Variants in CCDC141 observed in about 807,000 individuals in gnomAD.
CCDC141 encodes coiled-coil domain containing 141, also known as coiled-coil domain-containing protein 141.
Under a neutral mutation model 181.0 loss-of-function variants are expected in CCDC141, and 168 were observed. The ratio of observed to expected loss-of-function variants is 0.93; its 90% CI spans 0.82 to 1.05. The LOEUF (loss-of-function observed/expected upper bound fraction) is 1.05. Ranked by LOEUF, CCDC141 falls within the 50% of genes least tolerant of loss-of-function variation. The pLI is 0.00. For synonymous variants in CCDC141, 666 were observed against 642.3 expected (o/e 1.04, Z -0.56); for missense variants, 1,902 against 1,788.5 (o/e 1.06, Z -1.14).
intron 8 of CCDC141, among the ~76,000 whole-genome samples, chr2:178,899,333 T>C (rs538459992): frequency 5.3e-5 from 8 of 152,270 alleles, no homozygotes; most frequent in African/African-American, 1.9e-4. Flanking sequence ...CTAAGACTCA[T>C]TTCTCAGAAT....
At chr2:178,866,662 A>G (rs1468189184) in intron 16 of CCDC141, among the ~76,000 whole-genome samples, 1 of 152,156 alleles carries the variant, frequency 6.6e-6, no homozygotes, top group Non-Finnish European at 1.5e-5. Context: ...CCCTCAAGTT[A>G]GAAATCTGGA....
At chr2:179,030,182 G>A (rs2042963910) in intron 2 of CCDC141, among the ~76,000 whole-genome samples, 1 of 151,996 alleles carries the variant, frequency 6.6e-6, no homozygotes, top group Admixed American at 6.6e-5. Flanking sequence ...TTAGTCATAT[G>A]TGAAATATTT....
At chr2:179,005,394 A>G (rs1307612482) in intron 2 of CCDC141, among the ~76,000 whole-genome samples, 1 of 152,202 alleles carries the variant, frequency 6.6e-6, no homozygotes, top group Non-Finnish European at 1.5e-5. Context: ...GTTATAATGT[A>G]TATATTACAG....
chr2:178,822,604 G>A, the CCDC141 span, among the ~76,000 whole-genome samples: 1 of 151,986 alleles, frequency 6.6e-6, no homozygotes, highest in African/African-American at 2.4e-5. Context: ...ATTTTAATGA[G>A]CAATATTTAG....
intron 23 of CCDC141, chr2:178,836,622 A>T: frequency 3.2e-6 from 1 of 310,170 alleles, no homozygotes; most frequent in East Asian, 6.1e-5. Context: ...AATGTTAAAC[A>T]CAGAAGAAAA....
intron 2 of CCDC141, among the ~76,000 whole-genome samples, chr2:179,030,369 CT>C (rs916196932): frequency 6.6e-6 from 1 of 151,936 alleles, no homozygotes; most frequent in Non-Finnish European, 1.5e-5. Context: ...TAACAAAATC[CT>C]TTTAGCTATT....
chr2:178,861,384 C>T (rs1242529342), intron 17 of CCDC141, among the ~76,000 whole-genome samples: 5 of 151,912 alleles, frequency 3.3e-5, no homozygotes, highest in Non-Finnish European at 7.4e-5. Flanking sequence ...GCCTGTAATC[C>T]CAGCACTTAG....
chr2:178,916,550 C>T (rs1688456280), intron 7 of CCDC141, among the ~76,000 whole-genome samples: 1 of 151,836 alleles, frequency 6.6e-6, no homozygotes, highest in Admixed American at 6.6e-5. Flanking sequence ...TACTTAATAA[C>T]ATAGTAAAAA....
chr2:178,815,540 T>C, the CCDC141 span, among the ~76,000 whole-genome samples: 8 of 151,976 alleles, frequency 5.3e-5, no homozygotes, highest in African/African-American at 1.9e-4. Context: ...TGATAGATTG[T>C]GATTTGGGGA....
At position 178,833,471 on chromosome 2, in the gene CCDC141, C is replaced by T. The variant is rs1163449332; in HGVS notation, c.*702G>A. 1.3e-5 allele frequency: 2 copies of T among 152,198 alleles called. No individual in the cohort carries two copies. The highest frequency in any genetic ancestry group is 4.8e-5 in the African/African-American group (2 of 41,446). The allele number at this position is 152,198 out of a possible 1,614,324, so 9.4% of individuals were successfully genotyped here. A position where few individuals can be genotyped will look rare whatever the true frequency, so the allele number is the denominator to read the frequency against. On this transcript the variant is annotated 3_prime_UTR_variant, in exon 24 of 24. Coordinates refer to ENST00000443758, the MANE Select transcript of CCDC141 (RefSeq NM_173648.4). ...TGCTCAAAACACATCAATAGAATGT[C>T]AGGAATAACGTTGGTTCTTTCTTGC...
chr2:178,820,532 T>C, the CCDC141 span, among the ~76,000 whole-genome samples: 6 of 152,228 alleles, frequency 3.9e-5, no homozygotes, highest in South Asian at 6.2e-4. Flanking sequence ...AATATTTTTA[T>C]TGAGGCTCAA....
intron 8 of CCDC141, among the ~76,000 whole-genome samples, chr2:178,890,429 C>T (rs1038107279): frequency 5.3e-5 from 8 of 152,260 alleles, no homozygotes; most frequent in Admixed American, 4.6e-4. Context: ...TGAAAGTTTC[C>T]CTAGGGGAAA....
intron 2 of CCDC141, among the ~76,000 whole-genome samples, chr2:178,998,020 T>C (rs181680337): frequency 1.8e-4 from 28 of 152,332 alleles, no homozygotes; most frequent in African/African-American, 5.8e-4. Flanking sequence ...GACAACTTCA[T>C]ATCTGAAAAT....
chr2:178,883,699 A>AC (rs1159063444), intron 11 of CCDC141, among the ~76,000 whole-genome samples: 1 of 152,030 alleles, frequency 6.6e-6, no homozygotes, highest in Non-Finnish European at 1.5e-5. Context: ...CTAAACCAGC[A>AC]CCCATCTGCC....
chr2:178,961,361 A>C lies in CCDC141; in HGVS notation c.649T>G (p.Cys217Gly). The C allele has an allele frequency of 1.3e-6, 2 of 1,550,640 alleles. No homozygotes were observed. The highest frequency in any genetic ancestry group is 8.7e-7 in the Non-Finnish European group (1 of 1,146,974). Residue 217 changes from cysteine (C) to glycine (G), a missense_variant, in exon 5 of 24, where the codon TGT becomes GGT. By Grantham distance (159) the Cys-to-Gly change is radical. Transcript: ENST00000443758. ...TCAAGAAGGCGGTCAACCTTCAGAC[A>C]GCTGCTATGAGCTCCCTGAGTCAAC... ...PELTQGAHSS[C>G]LKVDRLLELL...
intron 22 of CCDC141, among the ~76,000 whole-genome samples, chr2:178,844,583 C>CA (rs1411644075): frequency 1.3e-5 from 2 of 152,000 alleles, no homozygotes; most frequent in African/African-American, 2.4e-5. Context: ...GACCCTACCA[C>CA]AAAAAAAGAC....
chr2:178,891,905 T>C (rs1687170737), intron 8 of CCDC141, among the ~76,000 whole-genome samples: 1 of 152,242 alleles, frequency 6.6e-6, no homozygotes, highest in East Asian at 1.9e-4. Flanking sequence ...TGGTGTCCTA[T>C]TTATTCTTAT....
intron 2 of CCDC141, among the ~76,000 whole-genome samples, chr2:179,038,892 A>C (rs1047111842): frequency 2.6e-5 from 4 of 152,158 alleles, no homozygotes; most frequent in Non-Finnish European, 5.9e-5. Context: ...ATTCCCCTAG[A>C]CAATAGCAAT....
chr2:178,972,004 C>T (rs1480265477), intron 4 of CCDC141, among the ~76,000 whole-genome samples: 1 of 151,852 alleles, frequency 6.6e-6, no homozygotes, highest in Non-Finnish European at 1.5e-5. Flanking sequence ...AGCAAACCAC[C>T]ATGGCACATA....
Sources: allele counts gnomAD v4.1 joint callset (sites outside exome capture counted in the v4.1 genomes callset), GRCh38; gene constraint gnomAD v4.1.1; transcripts MANE v1.5; gene names NCBI Gene and HGNC (gene_info 2026-07-23, HGNC 2026-07-21).